The following TMEM178B variants were observed in gnomAD, a reference collection of about 807,000 sequenced individuals.
TMEM178B encodes the protein transmembrane protein 178B.
Under a neutral mutation model 31.0 loss-of-function variants are expected in TMEM178B, and 5 were observed. That is an observed-to-expected ratio of 0.16 (90% CI 0.08 to 0.34). The LOEUF (loss-of-function observed/expected upper bound fraction) is 0.34, where lower values mean the gene tolerates loss of function less well. TMEM178B is among the 10% of genes least tolerant of loss of function. TMEM178B has a pLI of 1.00. For missense variants in TMEM178B, 275 were observed against 400.3 expected, an observed-to-expected ratio of 0.69 and a Z score of 2.67; for synonymous variants, 164 against 164.0, an observed-to-expected ratio of 1.00 and a Z score of 0.00.
chr7:141,295,374 C>T (rs1004829580), intron 2 of TMEM178B, among the ~76,000 whole-genome samples: 2 of 152,188 alleles, frequency 1.3e-5, no homozygotes, highest in Non-Finnish European at 1.5e-5. Flanking sequence ...GAGGCTACTG[C>T]ACATCCAGCC....
At chr7:141,506,880 GC>G in the TMEM178B span, among the ~76,000 whole-genome samples, 1 of 152,192 alleles carries the variant, frequency 6.6e-6, no homozygotes, top group Non-Finnish European at 1.5e-5. Context: ...GGTAAATACA[GC>G]CTTTCCAAAT....
chr7:141,251,433 A>C (rs1378123469), intron 2 of TMEM178B, among the ~76,000 whole-genome samples: 1 of 152,070 alleles, frequency 6.6e-6, no homozygotes. Flanking sequence ...TTGGGGGAAC[A>C]TGAGAGGGTG....
At chr7:141,147,463 A>C (rs1795872260) in intron 1 of TMEM178B, among the ~76,000 whole-genome samples, 1 of 152,214 alleles carries the variant, frequency 6.6e-6, no homozygotes, top group Non-Finnish European at 1.5e-5. Context: ...CATTTTAAAA[A>C]GAAAAATGCC....
intron 1 of TMEM178B, among the ~76,000 whole-genome samples, chr7:141,076,319 T>C (rs1794599733): frequency 6.6e-6 from 1 of 152,252 alleles, no homozygotes; most frequent in Non-Finnish European, 1.5e-5. Flanking sequence ...CATGATTTTC[T>C]GCTTTCTTTA....
chr7:141,257,513 A>C (rs1048588018), intron 2 of TMEM178B, among the ~76,000 whole-genome samples: 10 of 152,186 alleles, frequency 6.6e-5, no homozygotes, highest in Admixed American at 3.9e-4. Flanking sequence ...GCTTTTTAAG[A>C]GCTGAATGAC....
chr7:141,252,863 G>A (rs922237098), intron 2 of TMEM178B, among the ~76,000 whole-genome samples: 6 of 152,204 alleles, frequency 3.9e-5, no homozygotes, highest in African/African-American at 1.4e-4. Flanking sequence ...GCTCTTTACT[G>A]GCTTGGCTGC....
At chr7:141,232,760 A>G (rs899315268) in intron 2 of TMEM178B, among the ~76,000 whole-genome samples, 2 of 152,072 alleles carry the variant, frequency 1.3e-5, no homozygotes, top group African/African-American at 2.4e-5. Context: ...CATGGTGTTC[A>G]TGGATCTCCA....
intron 3 of TMEM178B, among the ~76,000 whole-genome samples, chr7:141,460,923 A>G (rs1046531354): frequency 1.3e-5 from 2 of 152,128 alleles, no homozygotes; most frequent in African/African-American, 4.8e-5. Context: ...CTTTGATGTA[A>G]AACCCTGTGA....
At chr7:141,400,764 T>C (rs1171041949) in intron 2 of TMEM178B, among the ~76,000 whole-genome samples, 2 of 152,178 alleles carry the variant, frequency 1.3e-5, no homozygotes, top group Non-Finnish European at 2.9e-5. Flanking sequence ...ATCTGGGCCT[T>C]GAGGTGTGAG....
At chr7:141,220,359 T>TAAA (rs1554464334) in intron 2 of TMEM178B, among the ~76,000 whole-genome samples, 5 of 107,656 alleles carry the variant, frequency 4.6e-5, no homozygotes, top group Non-Finnish European at 7.6e-5. Context: ...ATAATAATAA[T>TAAA]AAAATAATAA....
chr7:141,349,821 G>A (rs1323084841), intron 2 of TMEM178B, among the ~76,000 whole-genome samples: 1 of 152,176 alleles, frequency 6.6e-6, no homozygotes, highest in East Asian at 1.9e-4. Context: ...CAGAGCCAGG[G>A]CAGAATGTAG....
intron 2 of TMEM178B, among the ~76,000 whole-genome samples, chr7:141,237,933 G>C (rs1797555324): frequency 6.6e-6 from 1 of 150,870 alleles, no homozygotes; most frequent in Non-Finnish European, 1.5e-5. Context: ...TGAGGCAGGA[G>C]AATCGCTTGA....
intron 1 of TMEM178B, among the ~76,000 whole-genome samples, chr7:141,125,533 C>T (rs1248486859): frequency 1.3e-5 from 2 of 151,418 alleles, no homozygotes; most frequent in Admixed American, 1.3e-4. Context: ...ATACAAAAAT[C>T]AGCCGGGTGT....
intron 2 of TMEM178B, among the ~76,000 whole-genome samples, chr7:141,282,988 T>C (rs1798389946): frequency 6.6e-6 from 1 of 152,168 alleles, no homozygotes; most frequent in Non-Finnish European, 1.5e-5. Flanking sequence ...ATTAGGTTGG[T>C]ACAAAAGTAA....
chr7:141,240,924 C>T (rs1452975794), intron 2 of TMEM178B, among the ~76,000 whole-genome samples: 2 of 151,648 alleles, frequency 1.3e-5, no homozygotes, highest in African/African-American at 4.8e-5. Context: ...TGCCTTGTGA[C>T]TCCACCTGGT....
At chr7:141,340,338 C>T (rs1034412241) in intron 2 of TMEM178B, among the ~76,000 whole-genome samples, 3 of 152,144 alleles carry the variant, frequency 2.0e-5, no homozygotes, top group Non-Finnish European at 4.4e-5. Context: ...ACTAAATTTG[C>T]GATTACTTGT....
In TMEM178B at chr7:141,470,802, A is replaced by G; in HGVS notation, c.*16A>G. 9.0e-7 allele frequency: 1 copy of G among 1,114,906 alleles called. No individual in the cohort carries two copies. Among genetic ancestry groups the G allele is most frequent in the Non-Finnish European group, 1.1e-6 (1 of 886,662 alleles). The allele number at this position is 1,114,906 out of a possible 1,614,324, so 69.1% of individuals were successfully genotyped here. A position where few individuals can be genotyped will look rare whatever the true frequency, so the allele number is the denominator to read the frequency against. Reference sequence around the variant, plus strand: ...AGTGTGCTAAAAAACAAACCCATACATACATATATATATATAAATATATAT... The same window carrying G: ...AGTGTGCTAAAAAACAAACCCATACGTACATATATATATATAAATATATAT... On this transcript the variant is annotated 3_prime_UTR_variant, in exon 4 of 4. Coordinates refer to ENST00000565468, the MANE Select transcript of TMEM178B (RefSeq NM_001195278.2).
At chr7:141,423,672 T>G (rs1801257135) in intron 2 of TMEM178B, among the ~76,000 whole-genome samples, 1 of 152,198 alleles carries the variant, frequency 6.6e-6, no homozygotes, top group East Asian at 1.9e-4. Flanking sequence ...CTTCTAGCCT[T>G]GAGTTCAGTA....
intron 1 of TMEM178B, among the ~76,000 whole-genome samples, chr7:141,203,473 A>G (rs1057181281): frequency 6.6e-6 from 1 of 152,236 alleles, no homozygotes; most frequent in African/African-American, 2.4e-5. Context: ...CATATAGGAC[A>G]TGGACGATGT....
Sources: gnomAD v4.1 joint callset for allele counts (sites outside exome capture counted in the v4.1 genomes callset) on GRCh38, gnomAD v4.1.1 for gene constraint, MANE v1.5 for transcripts, NCBI Gene and HGNC (gene_info 2026-07-23, HGNC 2026-07-21) for gene names.